CPA6: variants seen among roughly 807,000 people sequenced by gnomAD.
The protein encoded by CPA6 is carboxypeptidase B.
In CPA6, 58 loss-of-function variants were observed where a neutral mutation model predicts 63.3. The ratio of observed to expected loss-of-function variants is 0.92; its 90% CI spans 0.74 to 1.14. The LOEUF (loss-of-function observed/expected upper bound fraction) is 1.14, where lower values mean the gene tolerates loss of function less well. CPA6 is among the 50% of genes most tolerant of loss of function. The pLI, the probability that CPA6 is intolerant of heterozygous loss-of-function variation, is 0.00. For synonymous variants in CPA6, 185 were observed against 179.0 expected (o/e 1.03, Z -0.27); for missense variants, 565 against 526.6 (o/e 1.07, Z -0.71).
At chr8:67,624,130 A>G (rs746432439) in intron 2 of CPA6, 46 bp downstream of exon 2, 21 of 1,175,448 alleles carry the variant, frequency 1.8e-5, no homozygotes, top group Non-Finnish European at 2.5e-6. Context: ...CCCTGTAAAC[A>G]CTCCACAAGC....
intron 2 of CPA6, among the ~76,000 whole-genome samples, chr8:67,561,121 C>T (rs974700043): frequency 2.0e-5 from 3 of 151,998 alleles, no homozygotes; most frequent in Non-Finnish European, 4.4e-5. Context: ...CTCTACCATA[C>T]CCCCCAAATT....
At chr8:67,711,530 T>C (rs562016231) in intron 1 of CPA6, among the ~76,000 whole-genome samples, 14 of 152,288 alleles carry the variant, frequency 9.2e-5, no homozygotes, top group African/African-American at 3.4e-4. Context: ...TCCTCTTGTC[T>C]ATCTGCATGA....
chr8:67,587,513 T>G (rs1262125015), intron 2 of CPA6, among the ~76,000 whole-genome samples: 1 of 152,040 alleles, frequency 6.6e-6, no homozygotes, highest in Non-Finnish European at 1.5e-5. Context: ...GGCCTTTTTT[T>G]TGGACGATTG....
intron 8 of CPA6, among the ~76,000 whole-genome samples, chr8:67,439,452 G>C (rs1810238256): frequency 6.6e-6 from 1 of 152,056 alleles, no homozygotes; most frequent in East Asian, 1.9e-4. Context: ...AGCCAGGTAT[G>C]GTGGTGCATG....
intron 2 of CPA6, among the ~76,000 whole-genome samples, chr8:67,588,999 A>G (rs971653366): frequency 2.6e-5 from 4 of 152,022 alleles, no homozygotes; most frequent in Non-Finnish European, 5.9e-5. Context: ...TGCCTGTAAT[A>G]CCAGAAAACT....
At chr8:67,515,477 C>G (rs562774774) in intron 3 of CPA6, among the ~76,000 whole-genome samples, 72 of 152,314 alleles carry the variant, frequency 4.7e-4, no homozygotes, top group African/African-American at 1.6e-3. Flanking sequence ...TTGTGGCTTT[C>G]TATTCCCATC....
intron 2 of CPA6, among the ~76,000 whole-genome samples, chr8:67,595,274 G>A (rs999343803): frequency 1.6e-4 from 24 of 152,294 alleles, no homozygotes; most frequent in African/African-American, 5.8e-4. Context: ...GCCGTGTGAG[G>A]TGTCAGTCTG....
intron 8 of CPA6, among the ~76,000 whole-genome samples, chr8:67,435,681 G>C (rs1219553573): frequency 6.6e-6 from 1 of 151,998 alleles, no homozygotes; most frequent in Admixed American, 6.5e-5. Context: ...TCTCCTCCTG[G>C]ACCCAGGGCA....
intron 1 of CPA6, among the ~76,000 whole-genome samples, chr8:67,645,376 G>A (rs1225678541): frequency 6.6e-6 from 1 of 151,966 alleles, no homozygotes; most frequent in Non-Finnish European, 1.5e-5. Flanking sequence ...TGAGAGAATC[G>A]GTAAAAAAAT....
At chr8:67,692,682 G>A (rs1015124080) in intron 1 of CPA6, among the ~76,000 whole-genome samples, 3 of 152,152 alleles carry the variant, frequency 2.0e-5, no homozygotes, top group African/African-American at 7.2e-5. Flanking sequence ...CAGAAGTGCT[G>A]CCCTTTAACT....
At chr8:67,715,686 T>C (rs1817363008) in intron 1 of CPA6, among the ~76,000 whole-genome samples, 1 of 152,262 alleles carries the variant, frequency 6.6e-6, no homozygotes, top group Non-Finnish European at 1.5e-5. Context: ...ATAGTGACTA[T>C]AGTTCTTTAA....
chr8:67,427,350 T>C (rs1809913499), intron 10 of CPA6, among the ~76,000 whole-genome samples: 2 of 152,196 alleles, frequency 1.3e-5, no homozygotes, highest in South Asian at 4.1e-4. Context: ...CCAAAAAGTA[T>C]AAAATCATCT....
In CPA6 at chr8:67,511,479, T is replaced by C. The variant is rs934089473; in HGVS notation, c.432+62A>G. The C allele has an allele frequency of 9.8e-6, 9 of 920,408 alleles. No homozygotes were observed. The Admixed American group carries it at 1.1e-4, about 11-fold the overall frequency. The allele number at this position is 920,408 out of a possible 1,614,324, so 57.0% of individuals were successfully genotyped here. ...AGCATAAAACACATAATTTTCTCCC[T>C]TAGACCTAAATGATAAAGATGACTC... On this transcript the variant is annotated intron_variant, in intron 4 of 10. Coordinates refer to ENST00000297770, the MANE Select transcript of CPA6 (RefSeq NM_020361.5).
intron 2 of CPA6, among the ~76,000 whole-genome samples, chr8:67,545,284 T>C (rs1341789417): frequency 2.0e-5 from 3 of 152,272 alleles, no homozygotes; most frequent in East Asian, 1.9e-4. Flanking sequence ...TAAACCCCAA[T>C]GCTCCTCCCA....
At chr8:67,471,819 G>T (rs996223802) in intron 8 of CPA6, among the ~76,000 whole-genome samples, 6 of 152,154 alleles carry the variant, frequency 3.9e-5, no homozygotes, top group Non-Finnish European at 8.8e-5. Context: ...AATTGAAAGA[G>T]AATTGGGAAT....
intron 1 of CPA6, among the ~76,000 whole-genome samples, chr8:67,672,625 C>T (rs1816374354): frequency 6.6e-6 from 1 of 152,140 alleles, no homozygotes; most frequent in African/African-American, 2.4e-5. Context: ...AGAGCTCGGG[C>T]CCAATATGAA....
intron 2 of CPA6, among the ~76,000 whole-genome samples, chr8:67,592,565 T>G (rs367999325): frequency 5.3e-5 from 8 of 151,662 alleles, no homozygotes; most frequent in East Asian, 1.9e-4. Flanking sequence ...CAATTTCAGA[T>G]CCTGTTATTG....
intron 1 of CPA6, among the ~76,000 whole-genome samples, chr8:67,664,745 G>C (rs995852016): frequency 6.6e-6 from 1 of 152,132 alleles, no homozygotes; most frequent in Non-Finnish European, 1.5e-5. Flanking sequence ...GAGTAGGATG[G>C]GGTTCAAGTG....
At chr8:67,597,938 G>T (rs766686662) in intron 2 of CPA6, among the ~76,000 whole-genome samples, 10 of 152,260 alleles carry the variant, frequency 6.6e-5, no homozygotes, top group Admixed American at 1.3e-4. Context: ...TACAATGGTG[G>T]TATCTTTCAG....
Sources: allele counts gnomAD v4.1 joint callset (sites outside exome capture counted in the v4.1 genomes callset), GRCh38; gene constraint gnomAD v4.1.1; transcripts MANE v1.5; gene names NCBI Gene and HGNC (gene_info 2026-07-23, HGNC 2026-07-21).